Variants in PRCP observed in about 807,000 individuals in gnomAD.
PRCP encodes prolylcarboxypeptidase.
In PRCP, 46 loss-of-function variants were observed where a neutral mutation model predicts 54.2. The observed-to-expected ratio is 0.85, with a 90% CI of 0.67 to 1.09. The LOEUF (loss-of-function observed/expected upper bound fraction) is 1.09. Ranked by LOEUF, PRCP falls within the 50% of genes least tolerant of loss-of-function variation. PRCP has a pLI of 0.00. For synonymous variants in PRCP, 240 were observed against 212.2 expected, an observed-to-expected ratio of 1.13 and a Z score of -1.14; for missense variants, 613 against 596.8, an observed-to-expected ratio of 1.03 and a Z score of -0.28.
At chr11:82,878,492 G>A (rs933025495) in intron 1 of PRCP, among the ~76,000 whole-genome samples, 5 of 152,144 alleles carry the variant, frequency 3.3e-5, no homozygotes, top group African/African-American at 7.2e-5. Flanking sequence ...CATGGGGGTC[G>A]TTCCCATGCT....
At chr11:82,886,707 C>T (rs115821094) in intron 1 of PRCP, among the ~76,000 whole-genome samples, 1 of 152,346 alleles carries the variant, frequency 6.6e-6, no homozygotes, top group African/African-American at 2.4e-5. Flanking sequence ...GGCTCTATCA[C>T]TTATCAGCTG....
intron 1 of PRCP, among the ~76,000 whole-genome samples, chr11:82,874,653 T>C (rs1246939661): frequency 1.4e-5 from 2 of 141,220 alleles, no homozygotes; most frequent in South Asian, 2.2e-4. Context: ...ATCACACCAC[T>C]GGACTCCAGC....
Position 82,824,398 on chromosome 11 carries a change from C to A in PRCP, c.*508G>T. ...CCAGCTGTATTATTTATTTACAGCA[C>A]AGTTCAAAGTCATTAAATCCGGTAC... On this transcript the variant is annotated 3_prime_UTR_variant, in exon 9 of 9. Coordinates refer to ENST00000313010, the MANE Select transcript of PRCP (RefSeq NM_005040.4). The A allele has an allele frequency of 6.1e-6, 1 of 164,046 alleles. No homozygotes were observed. The highest frequency in any genetic ancestry group is 5.8e-5 in the Admixed American group (1 of 17,118). The allele number at this position is 164,046 out of a possible 1,614,324, so 10.2% of individuals were successfully genotyped here.
chr11:82,877,648 T>A (rs1323761964), intron 1 of PRCP, among the ~76,000 whole-genome samples: 2 of 152,110 alleles, frequency 1.3e-5, no homozygotes, highest in African/African-American at 4.8e-5. Flanking sequence ...TGCACAGAAG[T>A]CAAGAATTGA....
At chr11:82,864,490 A>G (rs1473322390) in intron 1 of PRCP, among the ~76,000 whole-genome samples, 1 of 152,226 alleles carries the variant, frequency 6.6e-6, no homozygotes, top group Non-Finnish European at 1.5e-5. Flanking sequence ...CTTAGAAACC[A>G]TTCCGTCTGT....
At chr11:82,894,275 T>C in intron 1 of PRCP, among the ~76,000 whole-genome samples, 1 of 152,288 alleles carries the variant, frequency 6.6e-6, no homozygotes, top group South Asian at 2.1e-4. Flanking sequence ...AACTATGCAA[T>C]ATTATAAATA....
At chr11:82,827,988 C>T (rs1369474043) in intron 8 of PRCP, 2 of 151,964 alleles carry the variant, frequency 1.3e-5, no homozygotes, top group Non-Finnish European at 2.9e-5. Context: ...AAATTTATTC[C>T]AAAGCATTTT....
At chr11:82,834,319 A>C (rs183046684) in intron 8 of PRCP, among the ~76,000 whole-genome samples, 2 of 152,324 alleles carry the variant, frequency 1.3e-5, no homozygotes, top group East Asian at 3.9e-4. Flanking sequence ...CAACCCTCTC[A>C]GTTCTTTCAA....
At chr11:82,847,320 T>G (rs1378583064) in intron 6 of PRCP, among the ~76,000 whole-genome samples, 1 of 152,188 alleles carries the variant, frequency 6.6e-6, no homozygotes, top group African/African-American at 2.4e-5. Flanking sequence ...CCTAACCCAG[T>G]GCAATGCAGT....
At chr11:82,840,851 G>A (rs1345346992) in intron 6 of PRCP, 1 of 151,716 alleles carries the variant, frequency 6.6e-6, no homozygotes, top group Non-Finnish European at 1.5e-5. Context: ...AAATAATAGG[G>A]CCTAGATTTG....
intron 1 of PRCP, among the ~76,000 whole-genome samples, chr11:82,875,332 C>T (rs527371682): frequency 6.6e-6 from 1 of 152,174 alleles, no homozygotes; most frequent in Non-Finnish European, 1.5e-5. Context: ...ATCTGAAGAC[C>T]AAGTGACCTC....
rs551748378 is a variant in PRCP at position 82,860,603 on chromosome 11, C to T, written c.169-486G>A. On this transcript the variant is annotated intron_variant, in intron 1 of 8. Coordinates refer to ENST00000313010, the MANE Select transcript of PRCP (RefSeq NM_005040.4). ...TTGTGATAAGACCACTTAAAATCTACTCCCTTAGCAATTTTTAAGTATATA... is the reference window on the plus strand; with the variant it reads ...TTGTGATAAGACCACTTAAAATCTATTCCCTTAGCAATTTTTAAGTATATA... Among the ~76,000 whole-genome samples, 34 of 152,138 alleles carry T rather than the reference C, an allele frequency of 2.2e-4. No individual in the cohort carries two copies. The South Asian group carries it at 6.2e-3, about 28-fold the overall frequency.
chr11:82,843,029 G>A (rs1335508270), intron 6 of PRCP, among the ~76,000 whole-genome samples: 2 of 152,178 alleles, frequency 1.3e-5, no homozygotes, highest in Non-Finnish European at 2.9e-5. Context: ...GTAACTCAAT[G>A]CCAGGCACAG....
Position 82,896,666 on chromosome 11 carries a change from G to A in PRCP, c.168+3569C>T, listed in dbSNP as rs372750139. On this transcript the variant is annotated intron_variant, in intron 1 of 8. Transcript: ENST00000313010. ...TGCACCCCAGCCTGGGCAACAGAGC[G>A]AGACTCCAACTCAAAAAAAAAAAAA... Among the ~76,000 whole-genome samples, 9 of 124,736 alleles carry A rather than the reference G, an allele frequency of 7.2e-5. No individual in the cohort carries two copies. In the East Asian group the frequency reaches 7.3e-4, roughly 10 times the overall value. 81.8% of individuals were successfully genotyped at this position (124,736 alleles called of 152,430 possible).
chr11:82,866,788 C>T (rs536763544), intron 1 of PRCP, among the ~76,000 whole-genome samples: 1 of 151,768 alleles, frequency 6.6e-6, no homozygotes, highest in African/African-American at 2.4e-5. Flanking sequence ...GGGGCGTGAT[C>T]TCGGCTCACT....
intron 2 of PRCP, among the ~76,000 whole-genome samples, chr11:82,858,058 T>A (rs1191497395): frequency 6.6e-6 from 1 of 152,190 alleles, no homozygotes. Flanking sequence ...ATTTCAGGCT[T>A]TGAGAGGAGG....
chr11:82,847,541 A>G (rs1858836760), intron 6 of PRCP, among the ~76,000 whole-genome samples: 1 of 152,212 alleles, frequency 6.6e-6, no homozygotes, highest in Non-Finnish European at 1.5e-5. Context: ...TAGCACATAG[A>G]TGTTTATGGA....
At chr11:82,884,097 C>T (rs1279131051) in intron 1 of PRCP, among the ~76,000 whole-genome samples, 3 of 152,212 alleles carry the variant, frequency 2.0e-5, no homozygotes, top group Non-Finnish European at 2.9e-5. Context: ...GTTCAAGCTG[C>T]ATAAAAATAT....
chr11:82,879,471 A>C (rs1269472857), intron 1 of PRCP, among the ~76,000 whole-genome samples: 1 of 152,188 alleles, frequency 6.6e-6, no homozygotes, highest in Non-Finnish European at 1.5e-5. Context: ...CGATGGGTTC[A>C]AACATCCTCC....
Sources: allele counts gnomAD v4.1 joint callset (sites outside exome capture counted in the v4.1 genomes callset), GRCh38; gene constraint gnomAD v4.1.1; transcripts MANE v1.5; gene names NCBI Gene and HGNC (gene_info 2026-07-23, HGNC 2026-07-21).